Variants in SAMD15 observed in about 807,000 individuals in gnomAD.
SAMD15 encodes sterile alpha motif domain-containing protein 15.
Under a neutral mutation model 50.5 loss-of-function variants are expected in SAMD15, and 37 were observed. That is an observed-to-expected ratio of 0.73 (90% CI 0.56 to 0.96). The LOEUF (loss-of-function observed/expected upper bound fraction) is 0.96. Ranked by LOEUF, SAMD15 falls within the 40% of genes least tolerant of loss-of-function variation. The pLI is 0.00. For missense variants in SAMD15, 789 were observed against 783.8 expected, an observed-to-expected ratio of 1.01 and a Z score of -0.08; for synonymous variants, 255 against 282.8, an observed-to-expected ratio of 0.90 and a Z score of 0.99.
In SAMD15 at chr14:77,391,258, C is replaced by A; in HGVS notation, c.*14C>A. The A allele has an allele frequency of 1.3e-6, 2 of 1,517,234 alleles. No homozygotes were observed. The highest frequency in any genetic ancestry group is 1.8e-6 in the Non-Finnish European group (2 of 1,094,174). 94.0% of individuals were successfully genotyped at this position (1,517,234 alleles called of 1,614,324 possible). ...ACTGAACCATAGGGGAAATCCACTT[C>A]ACAGAGCTTGAAAGATCAAACTAAA... On this transcript the variant is annotated 3_prime_UTR_variant, in exon 3 of 3. Transcript: ENST00000216471.
intron 2 of SAMD15, among the ~76,000 whole-genome samples, chr14:77,383,193 G>A (rs941123072): frequency 1.3e-5 from 2 of 152,016 alleles, no homozygotes; most frequent in African/African-American, 4.8e-5. Context: ...CTCTGCCTAC[G>A]GAGCAGCCAT....
Position 77,378,437 on chromosome 14 carries a change from A to G in SAMD15, c.1019A>G (p.Glu340Gly). The G allele has an allele frequency of 2.5e-6, 4 of 1,613,976 alleles. No individual in the cohort carries two copies. Among genetic ancestry groups the G allele is most frequent in the Non-Finnish European group, 2.5e-6 (3 of 1,179,974 alleles). ...EEIKLEFPEE[E>G]SRKTNEETIL... ...ATCAAATTAGAGTTTCCTGAGGAAG[A>G]ATCAAGAAAAACAAATGAGGAAACA... The change falls in exon 1 of 3, where the codon GAA becomes GGA. Residue 340 changes from glutamate to glycine, a missense_variant. By Grantham distance (98) the Glu-to-Gly change is moderately conservative. Transcript: ENST00000216471.
rs113887958 is a variant in SAMD15, at chr14:77,380,270, A to AT, written c.1690-106dup. ...TCTAAAAAAGAAAAAACAAAATAAT[A>AT]TTTTTTTCTCAGGGTAGAACAAACA... is the stretch of plus-strand genomic sequence containing the variant. On this transcript the variant is annotated intron_variant, in intron 1 of 2. Transcript: ENST00000216471. 0.015 allele frequency: 11,047 copies of AT among 712,986 alleles called. 926 individuals carry two copies. The African/African-American group carries it at 0.18, about 11-fold the overall frequency. The allele number at this position is 712,986 out of a possible 1,614,324, so 44.2% of individuals were successfully genotyped here.
intron 2 of SAMD15, among the ~76,000 whole-genome samples, chr14:77,383,770 C>T (rs376537676): frequency 1.3e-5 from 2 of 151,862 alleles, no homozygotes; most frequent in Non-Finnish European, 1.5e-5. Flanking sequence ...GTTGGCAGTT[C>T]GCCTGGCCAA....
In SAMD15 at chr14:77,391,154, T is replaced by G; in HGVS notation, c.1935T>G (p.Ser645=). Residue 645 remains serine, a synonymous_variant, in exon 3 of 3, where the codon TCT becomes TCG. Coordinates refer to ENST00000216471, the MANE Select transcript of SAMD15 (RefSeq NM_001010860.4). ...TAAAATCTGATTCCTTGACTTTATC[T>G]GAATTTGTCAAAGCAGCAGGATTAC... ...TGIKSDSLTL[S]EFVKAAGLQD... 1 of 1,613,914 alleles carries G rather than the reference T, an allele frequency of 6.2e-7. No homozygotes were observed. The highest frequency in any genetic ancestry group is 1.1e-5 in the South Asian group (1 of 91,074).
chr14:77,377,496 T>C lies in SAMD15; in HGVS notation c.78T>C (p.Pro26=). 6.2e-7 allele frequency: 1 copy of C among 1,614,136 alleles called. No homozygotes were observed. Among genetic ancestry groups the C allele is most frequent in the Non-Finnish European group, 8.5e-7 (1 of 1,180,014 alleles). The part of the protein sequence containing the change: ...GELEPERPEL[P]GLHKLYENAE... ...TGGAGCCTGAGAGGCCTGAACTGCC[T>C]GGACTTCATAAATTGTATGAAAATG... is the stretch of plus-strand genomic sequence containing the variant. The change falls in exon 1 of 3, where the codon CCT becomes CCC. Residue 26 remains proline, a synonymous_variant. Transcript: ENST00000216471.
chr14:77,385,409 C>T (rs546168252), intron 2 of SAMD15, among the ~76,000 whole-genome samples: 1 of 152,050 alleles, frequency 6.6e-6, no homozygotes, highest in East Asian at 2.0e-4. Context: ...CCTCAGCCTC[C>T]CGAGTAGCTG....
rs540561254 is a variant in SAMD15, at chr14:77,391,797, T to A, written c.*553T>A. Among the ~76,000 whole-genome samples, 5 of 152,276 alleles carry A rather than the reference T, an allele frequency of 3.3e-5. No homozygotes were observed. Among genetic ancestry groups the A allele is most frequent in the African/African-American group, 1.2e-4 (5 of 41,556 alleles). ...AGCCGGGCAAGGTGGCTCACACCTG[T>A]AATCCTAGCTCTTTGGGTGGCTGAG... is the stretch of plus-strand genomic sequence containing the variant. On this transcript the variant is annotated 3_prime_UTR_variant, in exon 3 of 3. Coordinates refer to ENST00000216471, the MANE Select transcript of SAMD15 (RefSeq NM_001010860.4).
At position 77,391,850 on chromosome 14, in the gene SAMD15, T is replaced by C. The variant is rs530990504; in HGVS notation, c.*606T>C. On this transcript the variant is annotated 3_prime_UTR_variant, in exon 3 of 3. Coordinates refer to ENST00000216471, the MANE Select transcript of SAMD15 (RefSeq NM_001010860.4). ...GGGCAGATCACCTAAGGTCAGGATT[T>C]CAAGACCAGCCTGGCCAACAAGGTG... Among the ~76,000 whole-genome samples the C allele has an allele frequency of 4.6e-5, 7 of 151,950 alleles. No individual in the cohort carries two copies. In the East Asian group the frequency reaches 9.8e-4, roughly 21 times the overall value.
chr14:77,390,024 T>C (rs1331138838), intron 2 of SAMD15, among the ~76,000 whole-genome samples: 1 of 151,968 alleles, frequency 6.6e-6, no homozygotes, highest in Non-Finnish European at 1.5e-5. Flanking sequence ...TGATGGAGTT[T>C]CGCTCTTGTT....
chr14:77,377,510 T>C lies in SAMD15; in HGVS notation c.92T>C (p.Leu31Ser). Residue 31 changes from leucine to serine, a missense_variant, in exon 1 of 3, where the codon TTG becomes TCG. Physicochemically the swap from Leu to Ser is moderately radical, Grantham distance 145. Transcript: ENST00000216471. ...ERPELPGLHKLYENAEPDTMA... is the reference protein window; with the variant it reads ...ERPELPGLHKSYENAEPDTMA... ...CCTGAACTGCCTGGACTTCATAAAT[T>C]GTATGAAAATGCCGAACCAGACACC... is the stretch of plus-strand genomic sequence containing the variant. The C allele has an allele frequency of 1.2e-6, 2 of 1,614,042 alleles. No homozygotes were observed. The highest frequency in any genetic ancestry group is 1.7e-6 in the Non-Finnish European group (2 of 1,180,002).
chr14:77,389,278 T>G (rs960723419), intron 2 of SAMD15, among the ~76,000 whole-genome samples: 2 of 151,984 alleles, frequency 1.3e-5, no homozygotes, highest in Non-Finnish European at 2.9e-5. Flanking sequence ...ATATCAGGTT[T>G]AGCATTGTCT....
chr14:77,391,142 C>T lies in SAMD15; in HGVS notation c.1923C>T (p.Ser641=). The T allele has an allele frequency of 6.2e-7, 1 of 1,613,746 alleles. No homozygotes were observed. The highest frequency in any genetic ancestry group is 8.5e-7 in the Non-Finnish European group (1 of 1,179,680). Residue 641 remains serine (S), a synonymous_variant, in exon 3 of 3, where the codon TCC becomes TCT. Transcript: ENST00000216471. Reference sequence around the variant, plus strand: ...GTCATACTGGGATAAAATCTGATTCCTTGACTTTATCTGAATTTGTCAAAG... The same window carrying T: ...GTCATACTGGGATAAAATCTGATTCTTTGACTTTATCTGAATTTGTCAAAG... ...QKGHTGIKSD[S]LTLSEFVKAA...
intron 2 of SAMD15, among the ~76,000 whole-genome samples, chr14:77,381,336 T>C (rs1356472132): frequency 6.6e-6 from 1 of 152,184 alleles, no homozygotes; most frequent in Non-Finnish European, 1.5e-5. Flanking sequence ...TACCCTCCAT[T>C]TGTAGTGCTT....
rs1893893306 is a variant in SAMD15, at chr14:77,378,579, C to T, written c.1161C>T (p.Ile387=). The T allele has an allele frequency of 6.2e-7, 1 of 1,613,330 alleles. No homozygotes were observed. The highest frequency in any genetic ancestry group is 1.1e-5 in the South Asian group (1 of 90,988). ...CTGGTCCAGTGCTACCACAGGAGAT[C>T]AACCCACAAGTTGAAGAGAAAACAC... ...EETGPVLPQE[I]NPQVEEKTQT... is the part of the protein sequence containing the mutation. The change falls in exon 1 of 3, where the codon ATC becomes ATT. Residue 387 remains isoleucine (I), a synonymous_variant. Coordinates refer to ENST00000216471, the MANE Select transcript of SAMD15 (RefSeq NM_001010860.4).
chr14:77,378,005 C>T lies in SAMD15; in HGVS notation c.587C>T (p.Ser196Leu). The T allele has an allele frequency of 6.2e-7, 1 of 1,613,892 alleles. No individual in the cohort carries two copies. The highest frequency in any genetic ancestry group is 1.1e-5 in the South Asian group (1 of 91,082). Residue 196 changes from serine to leucine, a missense_variant, in exon 1 of 3, where the codon TCA becomes TTA. Transcript: ENST00000216471. ...ACTGAACCGGGGGTTCCAGAGGAATCACTTAGAGTGCAACATGAAGAGACA... is the reference window on the plus strand; with the variant it reads ...ACTGAACCGGGGGTTCCAGAGGAATTACTTAGAGTGCAACATGAAGAGACA... The part of the protein sequence containing the change: ...EETEPGVPEE[S>L]LRVQHEETGL...
chr14:77,388,266 G>C (rs1384316504), intron 2 of SAMD15, among the ~76,000 whole-genome samples: 1 of 152,148 alleles, frequency 6.6e-6, no homozygotes, highest in Non-Finnish European at 1.5e-5. Flanking sequence ...AGGAGAATCA[G>C]GGTACTTGCT....
At chr14:77,382,060 C>T (rs536909127) in intron 2 of SAMD15, among the ~76,000 whole-genome samples, 4 of 152,168 alleles carry the variant, frequency 2.6e-5, no homozygotes, top group South Asian at 2.1e-4. Flanking sequence ...CCTCAGCCCC[C>T]CAAGTAGCTG....
At chr14:77,385,287 CTTTT>C (rs887348793) in intron 2 of SAMD15, among the ~76,000 whole-genome samples, 1 of 147,886 alleles carries the variant, frequency 6.8e-6, no homozygotes. Context: ...CTTTTTTTTT[CTTTT>C]TTCTTTTTTT....
Sources: gnomAD v4.1 joint callset for allele counts (sites outside exome capture counted in the v4.1 genomes callset) on GRCh38, gnomAD v4.1.1 for gene constraint, MANE v1.5 for transcripts, NCBI Gene and HGNC (gene_info 2026-07-23, HGNC 2026-07-21) for gene names.